Variants in KLHL36 observed in about 807,000 individuals in gnomAD.
KLHL36 encodes kelch-like protein 36.
Under a neutral mutation model 53.3 loss-of-function variants are expected in KLHL36, and 35 were observed. The observed-to-expected ratio is 0.66, with a 90% CI of 0.50 to 0.87. The LOEUF is 0.87. Among genes scored for constraint, KLHL36 ranks in the 40% least tolerant of loss-of-function variants. The pLI is 0.00. For synonymous variants in KLHL36, 472 were observed against 398.9 expected, an observed-to-expected ratio of 1.18 and a Z score of -2.18; for missense variants, 864 against 897.6, an observed-to-expected ratio of 0.96 and a Z score of 0.48.
In KLHL36 at chr16:84,662,423, CT is replaced by C. The variant is rs1242788155; in HGVS notation, c.*291del. On this transcript the variant is annotated 3_prime_UTR_variant, in exon 5 of 5. Coordinates refer to ENST00000564996, the MANE Select transcript of KLHL36 (RefSeq NM_024731.4). ...TCATGGGTCCTTGCTGACTGTCCCC[CT>C]GAGAGTAGCTGGCACGTGGGTAACA... 3 of 273,974 alleles carry C rather than the reference CT, an allele frequency of 1.1e-5. No individual in the cohort carries two copies. The highest frequency in any genetic ancestry group is 2.1e-5 in the Non-Finnish European group (3 of 144,020). 17.0% of individuals were successfully genotyped at this position (273,974 alleles called of 1,614,324 possible). A position where few individuals can be genotyped will look rare whatever the true frequency, so the allele number is the denominator to read the frequency against.
intron 2 of KLHL36, among the ~76,000 whole-genome samples, chr16:84,652,674 C>T (rs1906967670): frequency 6.6e-6 from 1 of 152,226 alleles, no homozygotes; most frequent in Non-Finnish European, 1.5e-5. Context: ...TACTACCAAA[C>T]CCTCCCAGTT....
rs1157914059 is a variant in KLHL36, at chr16:84,664,294, T to G, written c.*2161T>G. 1 of 152,196 alleles carries G rather than the reference T, an allele frequency of 6.6e-6. No individual in the cohort carries two copies. The highest frequency in any genetic ancestry group is 2.4e-5 in the African/African-American group (1 of 41,434). The allele number at this position is 152,196 out of a possible 1,614,324, so 9.4% of individuals were successfully genotyped here. On this transcript the variant is annotated 3_prime_UTR_variant, in exon 5 of 5. Transcript: ENST00000564996. Reference sequence around the variant, plus strand: ...GGTCATGAACAAACGGGCAGTTGTTTGGCCTGAATCTCGGGGCAAGTTGGG... The same window carrying G: ...GGTCATGAACAAACGGGCAGTTGTTGGGCCTGAATCTCGGGGCAAGTTGGG...
At chr16:84,657,989 C>A (rs772491480) in intron 3 of KLHL36, 45 bp downstream of exon 3, 3 of 1,389,790 alleles carry the variant, frequency 2.2e-6, no homozygotes, top group Non-Finnish European at 2.9e-6. Flanking sequence ...AGGACTCTCT[C>A]GGTTTCCTTA....
In KLHL36 at chr16:84,648,753, G is replaced by A. The variant is rs1906612930; in HGVS notation, c.-17+104G>A. The A allele has an allele frequency of 1.4e-5, 2 of 147,866 alleles. No homozygotes were observed. Among genetic ancestry groups the A allele is most frequent in the African/African-American group, 4.9e-5 (2 of 40,952 alleles). 9.2% of individuals were successfully genotyped at this position (147,866 alleles called of 1,614,324 possible). On this transcript the variant is annotated intron_variant, in intron 1 of 4. Coordinates refer to ENST00000564996, the MANE Select transcript of KLHL36 (RefSeq NM_024731.4). This position sits in a 1 kb window ranked among gnomAD's most constrained non-coding sequence, Gnocchi z 4.9. The stretch of plus-strand genomic sequence containing the variant: ...GATCGGGAGGGTCCCCGGCCACCGC[G>A]AGCCGCGACCCCCCTGCGCCCCTTG...
In KLHL36 at chr16:84,664,755, T is replaced by C. The variant is rs1907748919; in HGVS notation, c.*2622T>C. The C allele has an allele frequency of 2.0e-5, 3 of 152,220 alleles. No individual in the cohort carries two copies. In the South Asian group the frequency reaches 6.2e-4, roughly 32 times the overall value. The allele number at this position is 152,220 out of a possible 1,614,324, so 9.4% of individuals were successfully genotyped here. A position where few individuals can be genotyped will look rare whatever the true frequency, so the allele number is the denominator to read the frequency against. ...CAGTGGTGGTGCCCGGGCCAGGTTT[T>C]TGTTACTTGTCTTTTTAAGTTGAAA... On this transcript the variant is annotated 3_prime_UTR_variant, in exon 5 of 5. Coordinates refer to ENST00000564996, the MANE Select transcript of KLHL36 (RefSeq NM_024731.4).
At chr16:84,660,444 C>T (rs548473494) in intron 4 of KLHL36, among the ~76,000 whole-genome samples, 45 of 152,276 alleles carry the variant, frequency 3.0e-4, no homozygotes, top group African/African-American at 1.1e-3. Flanking sequence ...TCAGTCTCCC[C>T]TGCGTTCCGA....
At chr16:84,654,096 C>G (rs994330867) in intron 2 of KLHL36, among the ~76,000 whole-genome samples, 1 of 152,176 alleles carries the variant, frequency 6.6e-6, no homozygotes, top group African/African-American at 2.4e-5. Flanking sequence ...GGCTCTTTCC[C>G]TTTTGACACT....
At chr16:84,656,747 A>T in intron 2 of KLHL36, 124 bp from the exon 3 acceptor site, 1 of 715,118 alleles carries the variant, frequency 1.4e-6, no homozygotes, top group Non-Finnish European at 2.4e-6. Flanking sequence ...GTGCCCTCTG[A>T]TGCAGCATTT....
rs143616622 is a variant in KLHL36 at position 84,657,107 on chromosome 16, G to C, written c.300G>C (p.Val100=). 1 of 1,614,224 alleles carries C rather than the reference G, an allele frequency of 6.2e-7. No homozygotes were observed. Among genetic ancestry groups the C allele is most frequent in the Non-Finnish European group, 8.5e-7 (1 of 1,180,036 alleles). Residue 100 remains valine (V), a synonymous_variant, in exon 3 of 5, where the codon GTG becomes GTC. Transcript: ENST00000564996. The part of the protein sequence containing the change: ...IGASYIGLKA[V]VDFLYGGELV... Reference sequence around the variant, plus strand: ...CCTCCTACATTGGGCTCAAGGCCGTGGTGGACTTCCTGTACGGCGGGGAGC... The same window carrying C: ...CCTCCTACATTGGGCTCAAGGCCGTCGTGGACTTCCTGTACGGCGGGGAGC...
At position 84,662,092 on chromosome 16, in the gene KLHL36, A is replaced by C; in HGVS notation, c.1810A>C (p.Lys604Gln). The C allele has an allele frequency of 6.4e-7, 1 of 1,569,632 alleles. No individual in the cohort carries two copies. Among genetic ancestry groups the C allele is most frequent in the Non-Finnish European group, 8.6e-7 (1 of 1,156,608 alleles). The change falls in exon 5 of 5, where the codon AAG becomes CAG. Residue 604 changes from lysine to glutamine, a missense_variant. Physicochemically the swap from Lys to Gln is moderately conservative, Grantham distance 53 (BLOSUM62 1). Transcript: ENST00000564996. Reference protein sequence around the residue: ...ALEPRPEDKKKKGKGKRHQDR... With the variant: ...ALEPRPEDKKQKGKGKRHQDR... ...GGAGCCACGGCCAGAGGACAAGAAGAAGAAAGGCAAAGGCAAGAGGCACCA... is the reference window on the plus strand; with the variant it reads ...GGAGCCACGGCCAGAGGACAAGAAGCAGAAAGGCAAAGGCAAGAGGCACCA...
chr16:84,656,870 G>A lies in KLHL36; in HGVS notation c.64-1G>A. On this transcript the variant is annotated splice_acceptor_variant, in intron 2 of 4. Coordinates refer to ENST00000564996, the MANE Select transcript of KLHL36 (RefSeq NM_024731.4). LOFTEE classifies it high-confidence loss of function. ...GTTTCTAATGTGTCTTCTCTGTCCA[G>A]GTATACCGCTGGGCCGACCACTCAA... 6.2e-7 allele frequency: 1 copy of A among 1,601,768 alleles called. No homozygotes were observed.
At chr16:84,649,653 A>G (rs1017097530) in intron 1 of KLHL36, among the ~76,000 whole-genome samples, 75 of 152,344 alleles carry the variant, frequency 4.9e-4, no homozygotes, top group African/African-American at 1.6e-3. Context: ...AGAGGAATCC[A>G]GTTGCCCCTT....
chr16:84,661,460 T>G lies in KLHL36; in HGVS notation c.1296-118T>G. Reference sequence around the variant, plus strand: ...TATAGAGTGTTCATGGGGTGCCCACTCCCTATATTCTTAAATCCTCATGGC... The same window carrying G: ...TATAGAGTGTTCATGGGGTGCCCACGCCCTATATTCTTAAATCCTCATGGC... On this transcript the variant is annotated intron_variant, in intron 4 of 4. Transcript: ENST00000564996. The surrounding 1 kb of genome is among the most constrained non-coding windows in gnomAD (Gnocchi z 7.9). The G allele has an allele frequency of 2.0e-6, 2 of 1,002,816 alleles. No individual in the cohort carries two copies. The highest frequency in any genetic ancestry group is 3.3e-4 in the Middle Eastern group (1 of 3,058). The allele number at this position is 1,002,816 out of a possible 1,614,324, so 62.1% of individuals were successfully genotyped here.
chr16:84,650,462 C>T (rs113133547), intron 1 of KLHL36, among the ~76,000 whole-genome samples: 154 of 152,174 alleles, frequency 1.0e-3, no homozygotes, highest in African/African-American at 3.5e-3. Flanking sequence ...ATCAGCCTGG[C>T]CAAGTATAAT....
At chr16:84,653,516 C>T (rs1344291354) in intron 2 of KLHL36, among the ~76,000 whole-genome samples, 2 of 152,156 alleles carry the variant, frequency 1.3e-5, no homozygotes, top group African/African-American at 2.4e-5. Flanking sequence ...AATCCTAGAA[C>T]TTTGGGAGGC....
Position 84,657,844 on chromosome 16 carries a change from T to C in KLHL36, c.1037T>C (p.Phe346Ser). ...SHHCVAVLGG[F>S]IFIAGGSFSR... ...CACTGTGTCGCGGTGCTGGGGGGCT[T>C]CATCTTCATCGCCGGCGGCAGCTTC... The change falls in exon 3 of 5, where the codon TTC becomes TCC. Residue 346 changes from phenylalanine (F) to serine (S), a missense_variant. Phe to Ser is a radical substitution (Grantham distance 155, BLOSUM62 -2). Transcript: ENST00000564996. 6.3e-7 allele frequency: 1 copy of C among 1,596,146 alleles called. No individual in the cohort carries two copies. Among genetic ancestry groups the C allele is most frequent in the Non-Finnish European group, 8.6e-7 (1 of 1,168,962 alleles).
rs748973599 is a variant in KLHL36, at chr16:84,661,827, C to T, written c.1545C>T (p.Gly515=). 27 of 1,607,952 alleles carry T rather than the reference C, an allele frequency of 1.7e-5. No homozygotes were observed. In the East Asian group the frequency reaches 2.7e-4, roughly 16 times the overall value. The stretch of plus-strand genomic sequence containing the variant: ...CCATGGAGCGCTTCGACGTGCTGGG[C>T]GTGGAGGCCTACAGCCCGCAGTGCA... ...IESMERFDVL[G]VEAYSPQCNQ... Residue 515 remains glycine (G), a synonymous_variant, in exon 5 of 5, where the codon GGC becomes GGT. Transcript: ENST00000564996. The surrounding 1 kb of genome is among the most constrained non-coding windows in gnomAD (Gnocchi z 7.9).
At chr16:84,659,586 C>T (rs1243336267) in intron 3 of KLHL36, 174 bp from the exon 4 acceptor site, 7 of 639,570 alleles carry the variant, frequency 1.1e-5, no homozygotes, top group Non-Finnish European at 1.9e-5. Flanking sequence ...TTGGTGAAAC[C>T]TCGGGGGCTC....
At position 84,661,373 on chromosome 16, in the gene KLHL36, C is replaced by G. The variant is rs541546492; in HGVS notation, c.1296-205C>G. On this transcript the variant is annotated intron_variant, in intron 4 of 4. Transcript: ENST00000564996. This position sits in a 1 kb window ranked among gnomAD's most constrained non-coding sequence, Gnocchi z 7.9. ...CTGGGTTCTGGCCCAGGCGGCCTGA[C>G]TGCAAAGCTGTCCACTTCCCCGCCC... 3.3e-5 allele frequency among the ~76,000 whole-genome samples: 5 copies of G among 152,204 alleles called. No homozygotes were observed. Among genetic ancestry groups the G allele is most frequent in the Non-Finnish European group, 7.3e-5 (5 of 68,042 alleles).
Sources: allele counts gnomAD v4.1 joint callset (sites outside exome capture counted in the v4.1 genomes callset), GRCh38; gene constraint gnomAD v4.1.1; non-coding constraint Gnocchi (gnomAD v3.1); transcripts MANE v1.5; gene names NCBI Gene and HGNC (gene_info 2026-07-23, HGNC 2026-07-21).